HMGCLL1: variants seen among roughly 807,000 people sequenced by gnomAD.
HMGCLL1 encodes the protein 3-hydroxymethyl-3-methylglutaryl-CoA lyase, cytoplasmic.
Under a neutral mutation model 39.1 loss-of-function variants are expected in HMGCLL1, and 36 were observed. The observed-to-expected ratio is 0.92, with a 90% CI of 0.71 to 1.22. The LOEUF (loss-of-function observed/expected upper bound fraction) is 1.22. HMGCLL1 is among the 50% of genes most tolerant of loss of function. HMGCLL1 has a pLI of 0.00. For synonymous variants in HMGCLL1, 149 were observed against 144.0 expected, an observed-to-expected ratio of 1.03 and a Z score of -0.25; for missense variants, 451 against 416.5, an observed-to-expected ratio of 1.08 and a Z score of -0.72.
At chr6:55,627,439 A>C in the HMGCLL1 span, among the ~76,000 whole-genome samples, 2 of 151,954 alleles carry the variant, frequency 1.3e-5, no homozygotes, top group African/African-American at 4.8e-5. Context: ...TATTGTCTTC[A>C]TTTTAAGATT....
intron 8 of HMGCLL1, among the ~76,000 whole-genome samples, chr6:55,438,963 T>C (rs534149876): frequency 5.7e-4 from 87 of 152,206 alleles, no homozygotes; most frequent in African/African-American, 2.0e-3. Flanking sequence ...GTGTCTCATA[T>C]GCTAAGTGTT....
Position 55,439,506 on chromosome 6 carries a change from A to G in HMGCLL1, c.849T>C (p.Tyr283=), listed in dbSNP as rs750417611. The stretch of plus-strand genomic sequence containing the variant: ...CTACATTCCCAGAAGCACCTTTTGC[A>G]TAAGGGCAGCCACCTAATCCGGATA... ...SAVSGLGGCP[Y]AKGASGNVAT... is the part of the protein sequence containing the mutation. The change falls in exon 8 of 9, where the codon TAT becomes TAC. Residue 283 remains tyrosine (Y), a synonymous_variant. Transcript: ENST00000274901. The G allele has an allele frequency of 1.7e-5, 28 of 1,612,986 alleles. No homozygotes were observed. Among genetic ancestry groups the G allele is most frequent in the Non-Finnish European group, 2.3e-5 (27 of 1,179,298 alleles).
At chr6:55,669,532 A>G in the HMGCLL1 span, among the ~76,000 whole-genome samples, 1 of 151,922 alleles carries the variant, frequency 6.6e-6, no homozygotes, top group African/African-American at 2.4e-5. Context: ...CAATCAATAG[A>G]CACCAATAAC....
intron 3 of HMGCLL1, among the ~76,000 whole-genome samples, chr6:55,519,602 C>T (rs775554658): frequency 6.6e-5 from 10 of 151,486 alleles, no homozygotes; most frequent in Non-Finnish European, 1.2e-4. Context: ...AACTTATTTC[C>T]GATAATAAGC....
chr6:55,435,673 A>C lies in HMGCLL1; in HGVS notation c.1012T>G (p.Phe338Val), dbSNP rs1205143689. Residue 338 changes from phenylalanine (F) to valine (V), a missense_variant, in exon 9 of 9, where the codon TTC becomes GTC. Coordinates refer to ENST00000274901, the MANE Select transcript of HMGCLL1 (RefSeq NM_001042406.2). ...TTNSKVAQAS[F>V]NA ...TAAATCCATTCAAGTCAAGCATTGA[A>C]GGAGGCTTGTGCTACTTTAGAGTTT... 2 of 1,587,194 alleles carry C rather than the reference A, an allele frequency of 1.3e-6. No homozygotes were observed. The highest frequency in any genetic ancestry group is 1.7e-6 in the Non-Finnish European group (2 of 1,161,318).
At chr6:55,673,112 C>T in the HMGCLL1 span, among the ~76,000 whole-genome samples, 2 of 151,904 alleles carry the variant, frequency 1.3e-5, no homozygotes, top group Non-Finnish European at 2.9e-5. Context: ...AAATATAAAC[C>T]ATTTCTCATA....
the HMGCLL1 span, among the ~76,000 whole-genome samples, chr6:55,667,024 C>T: frequency 2.0e-5 from 3 of 151,382 alleles, no homozygotes; most frequent in Non-Finnish European, 4.4e-5. Flanking sequence ...GACCTTTGCC[C>T]GGCCTTCTTA....
the HMGCLL1 span, among the ~76,000 whole-genome samples, chr6:55,591,941 T>G: frequency 6.6e-6 from 1 of 151,964 alleles, no homozygotes; most frequent in Admixed American, 6.6e-5. Flanking sequence ...AATTTACACA[T>G]GGAAATACAC....
At chr6:55,551,032 C>T (rs1283928781) in intron 1 of HMGCLL1, among the ~76,000 whole-genome samples, 1 of 138,580 alleles carries the variant, frequency 7.2e-6, no homozygotes, top group Admixed American at 7.3e-5. Flanking sequence ...ACATCTTAGC[C>T]AATTTTCAGA....
chr6:55,671,199 T>C, the HMGCLL1 span, among the ~76,000 whole-genome samples: 1 of 151,804 alleles, frequency 6.6e-6, no homozygotes, highest in African/African-American at 2.4e-5. Flanking sequence ...CTCCCATGAA[T>C]ATGTTACGTT....
intron 1 of HMGCLL1, among the ~76,000 whole-genome samples, chr6:55,553,248 C>CGTATGTGTGTGTGT (rs1770462423): frequency 7.0e-6 from 1 of 143,636 alleles, no homozygotes; most frequent in East Asian, 2.1e-4. Context: ...TACATATATA[C>CGTATGTGTGTGTGT]GTGTGTGTGT....
chr6:55,471,014 C>A (rs1271546560), intron 7 of HMGCLL1, among the ~76,000 whole-genome samples: 1 of 151,712 alleles, frequency 6.6e-6, no homozygotes. Flanking sequence ...CAGAGCCAAA[C>A]CATATCAGCA....
chr6:55,480,508 T>C (rs1042848897), intron 7 of HMGCLL1, among the ~76,000 whole-genome samples: 1 of 151,692 alleles, frequency 6.6e-6, no homozygotes, highest in African/African-American at 2.4e-5. Flanking sequence ...TCTCATACGC[T>C]GTTGGTTAGA....
At chr6:55,655,084 A>T in the HMGCLL1 span, among the ~76,000 whole-genome samples, 1 of 151,894 alleles carries the variant, frequency 6.6e-6, no homozygotes, top group Admixed American at 6.6e-5. Context: ...CTTCAGCATA[A>T]ATTGAGTCCT....
In HMGCLL1 at chr6:55,514,213, T is replaced by A; in HGVS notation, c.394-17A>T. The A allele has an allele frequency of 1.3e-6, 2 of 1,585,046 alleles. No homozygotes were observed. Among genetic ancestry groups the A allele is most frequent in the Non-Finnish European group, 1.7e-6 (2 of 1,169,322 alleles). On this transcript the variant is annotated splice_polypyrimidine_tract_variant and intron_variant, in intron 4 of 8. Transcript: ENST00000274901. ...AGCAGCAACCTGAAAAATATATAAT[T>A]TAAAGCCAAATCTAATAACTTCAAA...
chr6:55,636,165 T>A, the HMGCLL1 span, among the ~76,000 whole-genome samples: 1 of 152,050 alleles, frequency 6.6e-6, no homozygotes, highest in Admixed American at 6.6e-5. Context: ...CACATATTAA[T>A]AAAGTAGAGA....
intron 7 of HMGCLL1, among the ~76,000 whole-genome samples, chr6:55,451,348 C>T (rs13197643): frequency 6.6e-5 from 10 of 152,194 alleles, no homozygotes; most frequent in South Asian, 6.2e-4. Flanking sequence ...TAGGGCTGGG[C>T]GCGGTGGCTC....
the HMGCLL1 span, among the ~76,000 whole-genome samples, chr6:55,598,740 T>C: frequency 1.3e-5 from 2 of 152,208 alleles, no homozygotes; most frequent in African/African-American, 4.8e-5. Flanking sequence ...CAATCGCTGA[T>C]TACAGTTGGT....
intron 5 of HMGCLL1, among the ~76,000 whole-genome samples, chr6:55,500,496 TCTA>T (rs1160883422): frequency 3.2e-4 from 49 of 152,004 alleles, no homozygotes; most frequent in Admixed American, 1.3e-3. Flanking sequence ...AGCTATTGAT[TCTA>T]AGATGTAACC....
Sources: gnomAD v4.1 joint callset for allele counts (sites outside exome capture counted in the v4.1 genomes callset) on GRCh38, gnomAD v4.1.1 for gene constraint, MANE v1.5 for transcripts, NCBI Gene and HGNC (gene_info 2026-07-23, HGNC 2026-07-21) for gene names.